Variants in ACSM2B observed in about 807,000 individuals in gnomAD.
ACSM2B encodes acyl-CoA synthetase medium chain family member 2B, also known as acyl-coenzyme A synthetase ACSM2B, mitochondrial.
In ACSM2B, 58 loss-of-function variants were observed where a neutral mutation model predicts 78.6. That is an observed-to-expected ratio of 0.74 (90% CI 0.60 to 0.92). The LOEUF is 0.92. Ranked by LOEUF, ACSM2B falls within the 40% of genes least tolerant of loss-of-function variation. ACSM2B has a pLI of 0.00. For missense variants in ACSM2B, 688 were observed against 711.2 expected (o/e 0.97, Z 0.37); for synonymous variants, 257 against 256.8 (o/e 1.00, Z -0.01).
chr16:20,576,366 T>C lies in ACSM2B; in HGVS notation c.-168A>G, dbSNP rs1295831505. On this transcript the variant is annotated 5_prime_UTR_variant, in exon 1 of 14. An upstream start codon of the reference 5' UTR is lost. Transcript: ENST00000329697. ...GTCGGAAAGAGAGCTCAGCTAATCA[T>C]TGACAGTGGATAACTTTGGAGTCTT... 2.0e-5 allele frequency: 3 copies of C among 149,320 alleles called. No homozygotes were observed. Among genetic ancestry groups the C allele is most frequent in the South Asian group, 2.2e-4 (1 of 4,598 alleles). 9.2% of individuals were successfully genotyped at this position (149,320 alleles called of 1,614,324 possible).
intron 2 of ACSM2B, among the ~76,000 whole-genome samples, chr16:20,562,188 A>G (rs563031576): frequency 6.6e-6 from 1 of 151,932 alleles, no homozygotes; most frequent in East Asian, 1.9e-4. Context: ...TTTTTTGAGA[A>G]AATGTTATAT....
chr16:20,548,706 T>A (rs554017113), intron 6 of ACSM2B, among the ~76,000 whole-genome samples: 1 of 152,286 alleles, frequency 6.6e-6, no homozygotes, highest in Non-Finnish European at 1.5e-5. Context: ...CTAAGGCTAA[T>A]TTGAAACATT....
Position 20,559,463 on chromosome 16 carries a change from C to A in ACSM2B, c.178-16G>T, listed in dbSNP as rs1469875372. 9.3e-6 allele frequency: 15 copies of A among 1,612,300 alleles called. No individual in the cohort carries two copies. The highest frequency in any genetic ancestry group is 2.2e-5 in the East Asian group (1 of 44,886). On this transcript the variant is annotated splice_polypyrimidine_tract_variant and intron_variant, in intron 2 of 13. Coordinates refer to ENST00000329697, the MANE Select transcript of ACSM2B (RefSeq NM_001105069.2). ...GCTTGCCAGCCTGAGGAAAGAGAAA[C>A]CCTGTTGATTAGGGGGCATTGGTAC... is the stretch of plus-strand genomic sequence containing the variant.
chr16:20,555,605 C>T (rs1271866921), intron 3 of ACSM2B, 129 bp from the exon 4 acceptor site: 6 of 1,479,906 alleles, frequency 4.1e-6, no homozygotes, highest in South Asian at 2.9e-5. Flanking sequence ...CAATGGAGAA[C>T]GTCAATAAAA....
chr16:20,560,820 T>G (rs2015630770), intron 2 of ACSM2B, among the ~76,000 whole-genome samples: 1 of 152,110 alleles, frequency 6.6e-6, no homozygotes, highest in Admixed American at 6.5e-5. Flanking sequence ...AACAAAATGC[T>G]GATAGAATTA....
Position 20,537,212 on chromosome 16 carries a change from G to C in ACSM2B, c.*46C>G, listed in dbSNP as rs1064029. The C allele has an allele frequency of 6.2e-7, 1 of 1,605,164 alleles. No homozygotes were observed. The highest frequency in any genetic ancestry group is 1.3e-5 in the African/African-American group (1 of 74,874). On this transcript the variant is annotated 3_prime_UTR_variant, in exon 14 of 14. Coordinates refer to ENST00000329697, the MANE Select transcript of ACSM2B (RefSeq NM_001105069.2). ...TAAGGCCAAGGGCCCAAAGGGAAAA[G>C]AAAGAGAAAGAAGAGGGGAATCCAA... is the stretch of plus-strand genomic sequence containing the variant.
intron 1 of ACSM2B, 130 bp from the exon 2 acceptor site, chr16:20,564,983 G>A (rs181404877): frequency 0.011 from 14,289 of 1,274,162 alleles, 138 homozygotes; most frequent in Middle Eastern, 0.021. Context: ...GTAGTTATGA[G>A]TAAATTGGCA....
chr16:20,541,077 A>T, intron 12 of ACSM2B: 1 of 215,598 alleles, frequency 4.6e-6, no homozygotes, highest in Non-Finnish European at 9.5e-6. Context: ...AATAGACTGA[A>T]AACCATAACC....
At chr16:20,567,906 G>A (rs1271593691) in intron 1 of ACSM2B, among the ~76,000 whole-genome samples, 2 of 139,488 alleles carry the variant, frequency 1.4e-5, no homozygotes, top group Middle Eastern at 3.6e-3. Flanking sequence ...GCTATATATA[G>A]TATATATTAA....
At position 20,545,211 on chromosome 16, in the gene ACSM2B, G is replaced by A. The variant is rs2015100408; in HGVS notation, c.1227C>T (p.Asp409=). Reference sequence around the variant, plus strand: ...TGATGGGTTTGACCCTGATGCCAATGTCTCCTTCTGTGCCGGGGGGCAGGA... The same window carrying A: ...TGATGGGTTTGACCCTGATGCCAATATCTCCTTCTGTGCCGGGGGGCAGGA... ...GNVLPPGTEG[D]IGIRVKPIRP... The change falls in exon 10 of 14, where the codon GAC becomes GAT. Residue 409 remains aspartate (D), a synonymous_variant. Coordinates refer to ENST00000329697, the MANE Select transcript of ACSM2B (RefSeq NM_001105069.2). The A allele has an allele frequency of 6.2e-7, 1 of 1,613,814 alleles. No homozygotes were observed. The highest frequency in any genetic ancestry group is 8.5e-7 in the Non-Finnish European group (1 of 1,179,882).
At chr16:20,570,879 T>C (rs2016073677) in intron 1 of ACSM2B, among the ~76,000 whole-genome samples, 1 of 151,868 alleles carries the variant, frequency 6.6e-6, no homozygotes, top group Non-Finnish European at 1.5e-5. Context: ...TGTAGTGCCT[T>C]GGATGATCTT....
chr16:20,541,449 C>T (rs2014986052), intron 12 of ACSM2B: 1 of 152,114 alleles, frequency 6.6e-6, no homozygotes. Flanking sequence ...TTATAGGGGT[C>T]TTTCTTTTTC....
intron 1 of ACSM2B, among the ~76,000 whole-genome samples, chr16:20,572,459 G>T (rs2016115848): frequency 7.4e-6 from 1 of 134,936 alleles, no homozygotes; most frequent in South Asian, 2.4e-4. Context: ...AATCTGACAG[G>T]TTTTCCTTTA....
At chr16:20,557,895 C>A (rs186617723) in intron 3 of ACSM2B, among the ~76,000 whole-genome samples, 23 of 152,294 alleles carry the variant, frequency 1.5e-4, no homozygotes, top group Admixed American at 8.5e-4. Flanking sequence ...CACAAGCTAT[C>A]TATCTTTGCT....
intron 1 of ACSM2B, chr16:20,575,769 C>T (rs866973398): frequency 6.7e-5 from 10 of 149,358 alleles, no homozygotes; most frequent in Non-Finnish European, 1.3e-4. Context: ...CAGTATTAAC[C>T]ATCACAGTGT....
rs767685754 is a variant in ACSM2B, at chr16:20,552,253, T to C, written c.785A>G (p.Asp262Gly). 5.6e-6 allele frequency: 9 copies of C among 1,613,710 alleles called. No individual in the cohort carries two copies. In the Admixed American group the frequency reaches 8.3e-5, roughly 15 times the overall value. Residue 262 changes from aspartate (D) to glycine (G), a missense_variant, in exon 6 of 14, where the codon GAC becomes GGC. Coordinates refer to ENST00000329697, the MANE Select transcript of ACSM2B (RefSeq NM_001105069.2). ...QASDIMWTIS[D>G]TGWILNILGS... is the part of the protein sequence containing the mutation. ...CAAGATGTTCAGTATCCAACCTGTGTCTGATATGGTCCACATTATATCAGA... is the reference window on the plus strand; with the variant it reads ...CAAGATGTTCAGTATCCAACCTGTGCCTGATATGGTCCACATTATATCAGA...
intron 11 of ACSM2B, 45 bp downstream of exon 11, chr16:20,543,090 A>G (rs1168871411): frequency 3.6e-5 from 58 of 1,613,432 alleles, no homozygotes; most frequent in Non-Finnish European, 4.8e-5. Flanking sequence ...AACCAGCCAG[A>G]GTAAAGACCC....
chr16:20,539,812 T>C (rs1166940301), intron 13 of ACSM2B, among the ~76,000 whole-genome samples: 5 of 151,620 alleles, frequency 3.3e-5, no homozygotes, highest in Non-Finnish European at 7.4e-5. Context: ...AGAATATATG[T>C]TTGGAGCTGA....
At chr16:20,551,870 G>A (rs1340293238) in intron 6 of ACSM2B, among the ~76,000 whole-genome samples, 1 of 152,182 alleles carries the variant, frequency 6.6e-6, no homozygotes, top group East Asian at 1.9e-4. Context: ...GGTGACACCA[G>A]TGGAAGAGCC....
Sources: gnomAD v4.1 joint callset for allele counts (sites outside exome capture counted in the v4.1 genomes callset) on GRCh38, gnomAD v4.1.1 for gene constraint, MANE v1.5 for transcripts, NCBI Gene and HGNC (gene_info 2026-07-23, HGNC 2026-07-21) for gene names.